Variants in CLCN7 observed in about 807,000 individuals in gnomAD.
CLCN7 encodes the protein Cl-/H+ antiporter 7, also known as H(+)/Cl(-) exchange transporter 7.
CLCN7 carries 60 observed loss-of-function variants against 102.1 expected under a neutral mutation model. The ratio of observed to expected loss-of-function variants is 0.59; its 90% CI spans 0.48 to 0.73. The LOEUF is 0.73. Among genes scored for constraint, CLCN7 ranks in the 30% least tolerant of loss-of-function variants. The probability of loss-of-function intolerance (pLI) is 0.00; values close to 1 mark genes in which losing one functional copy is unlikely to be tolerated. For synonymous variants in CLCN7, 560 were observed against 490.5 expected (o/e 1.14, Z -1.87); for missense variants, 962 against 1,125.7 (o/e 0.85, Z 2.08).
At position 1,455,069 on chromosome 16, in the gene CLCN7, C is replaced by A. The variant is rs372096530; in HGVS notation, c.1098+65G>T. 46 of 959,560 alleles carry A rather than the reference C, an allele frequency of 4.8e-5. No homozygotes were observed. The African/African-American group carries it at 5.6e-4, about 12-fold the overall frequency. The allele number at this position is 959,560 out of a possible 1,614,324, so 59.4% of individuals were successfully genotyped here. On this transcript the variant is annotated intron_variant, in intron 12 of 24. Coordinates refer to ENST00000382745, the MANE Select transcript of CLCN7 (RefSeq NM_001287.6). ...TAAAGGACCAAATTCTCAACCTGGG[C>A]CTTAAGCAAACAGGGTCCTGGACCA... is the stretch of plus-strand genomic sequence containing the variant.
intron 2 of CLCN7, among the ~76,000 whole-genome samples, chr16:1,464,764 G>A (rs1463535522): frequency 4.6e-5 from 7 of 152,222 alleles, no homozygotes; most frequent in African/African-American, 7.2e-5. Context: ...AACGGCCAGC[G>A]GCAGCAGAGG....
intron 2 of CLCN7, among the ~76,000 whole-genome samples, chr16:1,463,190 A>C (rs2038962344): frequency 6.6e-6 from 1 of 152,150 alleles, no homozygotes; most frequent in African/African-American, 2.4e-5. Flanking sequence ...CCACATCCAA[A>C]AATTAACTCA....
chr16:1,459,170 G>A lies in CLCN7; in HGVS notation c.612C>T (p.Ser204=), dbSNP rs756039261. Residue 204 remains serine (S), a synonymous_variant, in exon 7 of 25, where the codon AGC becomes AGT. Coordinates refer to ENST00000382745, the MANE Select transcript of CLCN7 (RefSeq NM_001287.6). ...VAFIEPVAAG[S]GIPQIKCFLN... is the part of the protein sequence containing the mutation. ...GGAAGCACTTGATCTGGGGGATTCCGCTGCCAGCAGCCACCGGCTGAAAGA... is the reference window on the plus strand; with the variant it reads ...GGAAGCACTTGATCTGGGGGATTCCACTGCCAGCAGCCACCGGCTGAAAGA... 1.8e-4 allele frequency: 294 copies of A among 1,612,962 alleles called. 1 individual carries two copies. Among genetic ancestry groups the A allele is most frequent in the Admixed American group, 2.2e-4 (13 of 59,954 alleles).
intron 1 of CLCN7, among the ~76,000 whole-genome samples, chr16:1,473,421 T>G (rs2040476776): frequency 7.7e-6 from 1 of 129,964 alleles, no homozygotes; most frequent in South Asian, 2.7e-4. Context: ...CTGCCCAGGC[T>G]GGAGTGCAGT....
chr16:1,455,366 C>T, intron 11 of CLCN7, 116 bp from the exon 12 acceptor site: 1 of 805,836 alleles, frequency 1.2e-6, no homozygotes, highest in Non-Finnish European at 2.2e-6. Context: ...GTCTGCAGAC[C>T]CCGCCCAAGG....
At chr16:1,458,717 G>A (rs1278901858) in intron 7 of CLCN7, among the ~76,000 whole-genome samples, 2 of 152,182 alleles carry the variant, frequency 1.3e-5, no homozygotes, top group Non-Finnish European at 2.9e-5. Context: ...CAGATGCTCT[G>A]ATAACACCAA....
Position 1,465,266 on chromosome 16 carries a change from C to T in CLCN7, c.213+1G>A. On this transcript the variant is annotated splice_donor_variant, in intron 2 of 24. Coordinates refer to ENST00000382745, the MANE Select transcript of CLCN7 (RefSeq NM_001287.6). LOFTEE classifies it high-confidence loss of function. Reference sequence around the variant, plus strand: ...GAGGACGGGGAACACCCCCAACTCACCGGGTCCAAAAGTTCATCATCCAGC... The same window carrying T: ...GAGGACGGGGAACACCCCCAACTCATCGGGTCCAAAAGTTCATCATCCAGC... The T allele has an allele frequency of 6.2e-7, 1 of 1,613,516 alleles. No homozygotes were observed. The highest frequency in any genetic ancestry group is 8.5e-7 in the Non-Finnish European group (1 of 1,179,780).
At chr16:1,460,262 C>T (rs2038912009) in intron 6 of CLCN7, among the ~76,000 whole-genome samples, 156 bp downstream of exon 6, 1 of 151,172 alleles carries the variant, frequency 6.6e-6, no homozygotes, top group South Asian at 2.1e-4. Context: ...TCTGCTCCTC[C>T]TGAGGTTGTG....
chr16:1,457,133 T>C lies in CLCN7; in HGVS notation c.822+121A>G. On this transcript the variant is annotated intron_variant, in intron 9 of 24. Transcript: ENST00000382745. The surrounding 1 kb of genome is among the most constrained non-coding windows in gnomAD (Gnocchi z 5.4). ...TGGCTCTGGGAGCCACCCGCCAGGC[T>C]GTCCTCAGATGGGGCTGGGGCTCTC... is the stretch of plus-strand genomic sequence containing the variant. The C allele has an allele frequency of 1.3e-5, 12 of 948,106 alleles. No individual in the cohort carries two copies. Among genetic ancestry groups the C allele is most frequent in the Non-Finnish European group, 2.0e-5 (12 of 589,500 alleles). The allele number at this position is 948,106 out of a possible 1,614,324, so 58.7% of individuals were successfully genotyped here. A position where few individuals can be genotyped will look rare whatever the true frequency, so the allele number is the denominator to read the frequency against.
rs149782990 is a variant in CLCN7 at position 1,460,021 on chromosome 16, C to T, written c.594+397G>A. On this transcript the variant is annotated intron_variant, in intron 6 of 24. Transcript: ENST00000382745. ...GGCCTCAGGGAAGGGAAGAGCAGCA[C>T]ACACGTTGGGGCCCCAGGGAAGGGT... Among the ~76,000 whole-genome samples the T allele has an allele frequency of 2.5e-3, 385 of 152,016 alleles. 2 individuals are homozygous for T. Among genetic ancestry groups the T allele is most frequent in the Non-Finnish European group, 3.6e-3 (245 of 67,948 alleles).
chr16:1,458,179 C>T (rs1020189003), intron 7 of CLCN7, among the ~76,000 whole-genome samples: 4 of 152,346 alleles, frequency 2.6e-5, no homozygotes, highest in South Asian at 2.1e-4. Context: ...CCACGATGCC[C>T]CCTCTCCCTT....
chr16:1,450,994 G>A (rs891382667), intron 16 of CLCN7, among the ~76,000 whole-genome samples: 5 of 152,240 alleles, frequency 3.3e-5, no homozygotes, highest in African/African-American at 7.2e-5. Context: ...GGTGCAGCTC[G>A]CAGCCTGGCT....
At chr16:1,450,770 C>T in intron 16 of CLCN7, 104 bp from the exon 17 acceptor site, 3 of 1,016,484 alleles carry the variant, frequency 3.0e-6, no homozygotes, top group Non-Finnish European at 4.1e-6. Context: ...TTCCAGGAGC[C>T]CAGCAACCTG....
intron 1 of CLCN7, 128 bp downstream of exon 1, chr16:1,474,706 C>T: frequency 1.2e-6 from 1 of 841,590 alleles, no homozygotes; most frequent in Non-Finnish European, 1.5e-6. Context: ...GGGGCGCGTT[C>T]CCGAGTCCAC....
At chr16:1,460,578 C>CCT in intron 5 of CLCN7, 51 bp from the exon 6 acceptor site, 1 of 1,462,644 alleles carries the variant, frequency 6.8e-7, no homozygotes, top group Non-Finnish European at 9.5e-7. Flanking sequence ...ACCACCCAGC[C>CCT]CAGACCTCAG....
intron 16 of CLCN7, among the ~76,000 whole-genome samples, chr16:1,451,155 C>T (rs2038742176): frequency 6.6e-6 from 1 of 152,216 alleles, no homozygotes; most frequent in Non-Finnish European, 1.5e-5. Context: ...CCGTGAAACA[C>T]TTGTGGTCGA....
chr16:1,452,660 G>A (rs1316183431), intron 15 of CLCN7, 95 bp downstream of exon 15: 2 of 1,352,868 alleles, frequency 1.5e-6, no homozygotes, highest in African/African-American at 1.4e-5. Flanking sequence ...ACTCGGCGGG[G>A]TGGGCAGCCC....
At chr16:1,463,851 T>C (rs1485817717) in intron 2 of CLCN7, among the ~76,000 whole-genome samples, 3 of 151,938 alleles carry the variant, frequency 2.0e-5, no homozygotes, top group African/African-American at 7.3e-5. Context: ...CTCAGCTCAC[T>C]GAAACCTCCA....
At position 1,447,096 on chromosome 16, in the gene CLCN7, G is replaced by A; in HGVS notation, c.2251-10C>T. 1 of 1,589,258 alleles carries A rather than the reference G, an allele frequency of 6.3e-7. No homozygotes were observed. ...GTGGGAGCGACGCCTCCTGCAGCAG[G>A]GGCACAGCTGTCAGTGCCCGCCCAC... On this transcript the variant is annotated splice_polypyrimidine_tract_variant and intron_variant, in intron 23 of 24. Coordinates refer to ENST00000382745, the MANE Select transcript of CLCN7 (RefSeq NM_001287.6).
Sources: gnomAD v4.1 joint callset for allele counts (sites outside exome capture counted in the v4.1 genomes callset) on GRCh38, gnomAD v4.1.1 for gene constraint, Gnocchi (gnomAD v3.1) non-coding constraint, MANE v1.5 for transcripts, NCBI Gene and HGNC (gene_info 2026-07-23, HGNC 2026-07-21) for gene names.